LDLRAD2: variants seen among roughly 807,000 people sequenced by gnomAD.
LDLRAD2 encodes the protein low density lipoprotein receptor class A domain containing 2.
In LDLRAD2, 25 loss-of-function variants were observed where a neutral mutation model predicts 24.9. The observed-to-expected ratio is 1.00, with a 90% CI of 0.73 to 1.40. LDLRAD2 has a LOEUF of 1.40. LDLRAD2 is among the 40% of genes most tolerant of loss of function. LDLRAD2 has a pLI of 0.00. For missense variants in LDLRAD2, 391 were observed against 366.2 expected (o/e 1.07, Z -0.55); for synonymous variants, 182 against 166.7 (o/e 1.09, Z -0.71).
intron 1 of LDLRAD2, 29 bp from the exon 2 acceptor site, chr1:21,814,369 G>C (rs779727829): frequency 6.5e-7 from 1 of 1,544,286 alleles, no homozygotes; most frequent in African/African-American, 1.4e-5. Flanking sequence ...CGCGCCGCGC[G>C]GCTCCAGTTT....
At chr1:21,821,654 C>A (rs746615013) in intron 4 of LDLRAD2, 43 bp downstream of exon 4, 5 of 1,605,976 alleles carry the variant, frequency 3.1e-6, no homozygotes, top group Non-Finnish European at 3.4e-6. Context: ...TCATACCTGT[C>A]CCTCTCTAGG....
Position 21,823,062 on chromosome 1 carries a change from TC to T in LDLRAD2, c.*849del, listed in dbSNP as rs2152681452. The stretch of plus-strand genomic sequence containing the variant: ...AGTTCTGGGCCCACCCAGCCACTGT[TC>T]CTGACCCCAAGTCCTGGTGACTTTC... On this transcript the variant is annotated 3_prime_UTR_variant, in exon 5 of 5. Transcript: ENST00000344642. 1 of 404,470 alleles carries T rather than the reference TC, an allele frequency of 2.5e-6. No individual in the cohort carries two copies. Among genetic ancestry groups the T allele is most frequent in the East Asian group, 4.0e-5 (1 of 25,202 alleles). 25.1% of individuals were successfully genotyped at this position (404,470 alleles called of 1,614,324 possible). A position where few individuals can be genotyped will look rare whatever the true frequency, so the allele number is the denominator to read the frequency against.
In LDLRAD2 at chr1:21,814,420, G is replaced by A. The variant is rs377321609; in HGVS notation, c.108G>A (p.Gly36=). ...LETADLAELC[G]QTWQGDGLLL... ...CAGCCGACCTGGCGGAACTGTGCGG[G>A]CAGACGTGGCAGGGGGACGGGCTGC... The change falls in exon 2 of 5, where the codon GGG becomes GGA. Residue 36 remains glycine (G), a synonymous_variant. Coordinates refer to ENST00000344642, the MANE Select transcript of LDLRAD2 (RefSeq NM_001013693.3). 2 of 1,606,308 alleles carry A rather than the reference G, an allele frequency of 1.2e-6. No homozygotes were observed. Among genetic ancestry groups the A allele is most frequent in the Non-Finnish European group, 1.7e-6 (2 of 1,176,448 alleles).
At chr1:21,818,304 A>G (rs7545004) in intron 3 of LDLRAD2, among the ~76,000 whole-genome samples, 80,656 of 151,922 alleles carry the variant, frequency 0.53, 21,740 homozygotes, top group Non-Finnish European at 0.56. Context: ...GAGCCTCCGC[A>G]CCCGGCCTCA....
At chr1:21,814,061 G>T (rs2097941200) in intron 1 of LDLRAD2, among the ~76,000 whole-genome samples, 2 of 152,164 alleles carry the variant, frequency 1.3e-5, no homozygotes, top group South Asian at 4.2e-4. Flanking sequence ...AGTAGAGATG[G>T]GGTTTCACCA....
chr1:21,824,252 G>A lies in LDLRAD2; in HGVS notation c.*2037G>A. 6.2e-7 allele frequency: 1 copy of A among 1,612,866 alleles called. No individual in the cohort carries two copies. The highest frequency in any genetic ancestry group is 1.3e-5 in the African/African-American group (1 of 75,030). ...AGTATGAGCTGGGGCAGGACCGGGG[G>A]GTGGGGTGCTGGGACCAGGGAAGGG... On this transcript the variant is annotated 3_prime_UTR_variant, in exon 5 of 5. Transcript: ENST00000344642. This position sits in a 1 kb window ranked among gnomAD's most constrained non-coding sequence, Gnocchi z 5.9.
rs572836401 is a variant in LDLRAD2 at position 21,812,562 on chromosome 1, G to T, written c.85+26G>T. 467 of 1,595,334 alleles carry T rather than the reference G, an allele frequency of 2.9e-4. 6 individuals carry two copies. The South Asian group carries it at 3.1e-3, about 11-fold the overall frequency. ...GTAAGTATCAGGGGGCTTGGTTGGG[G>T]CACCCAGAAGACTTGGGCCCCCACC... On this transcript the variant is annotated intron_variant, in intron 1 of 4. Coordinates refer to ENST00000344642, the MANE Select transcript of LDLRAD2 (RefSeq NM_001013693.3).
chr1:21,818,063 G>T (rs1234039027), intron 3 of LDLRAD2, among the ~76,000 whole-genome samples: 1 of 144,264 alleles, frequency 6.9e-6, no homozygotes, highest in East Asian at 2.1e-4. Context: ...TTTTAGTAGA[G>T]ACGGGATTTC....
chr1:21,814,385 C>G lies in LDLRAD2; in HGVS notation c.86-13C>G, dbSNP rs1329684421. 6.4e-7 allele frequency: 1 copy of G among 1,574,254 alleles called. No individual in the cohort carries two copies. The highest frequency in any genetic ancestry group is 8.6e-7 in the Non-Finnish European group (1 of 1,161,406). On this transcript the variant is annotated splice_polypyrimidine_tract_variant and intron_variant, in intron 1 of 4. Transcript: ENST00000344642. ...GCGCCGCGCGGCTCCAGTTTCCGTG[C>G]CTTCCGCTGCAGCCGACCTGGCGGA...
intron 4 of LDLRAD2, chr1:21,822,001 G>A: frequency 7.0e-7 from 1 of 1,433,716 alleles, no homozygotes; most frequent in Non-Finnish European, 9.1e-7. Context: ...ACTAGGCTCT[G>A]GGGTCAGACT....
At chr1:21,814,289 G>A (rs890449571) in intron 1 of LDLRAD2, 109 bp from the exon 2 acceptor site, 7 of 801,510 alleles carry the variant, frequency 8.7e-6, no homozygotes, top group Non-Finnish European at 1.3e-5. Flanking sequence ...TGAGGAAAAT[G>A]AGGCTCAGAG....
In LDLRAD2 at chr1:21,822,564, G is replaced by T; in HGVS notation, c.*349G>T. On this transcript the variant is annotated 3_prime_UTR_variant, in exon 5 of 5. Transcript: ENST00000344642. ...TGGGTGGGGATGTGGCCTGGGGTGG[G>T]CGGGGCCCGGTGGGCGGGGCCCTAT... The T allele has an allele frequency of 3.2e-6, 1 of 316,310 alleles. No homozygotes were observed. The allele number at this position is 316,310 out of a possible 1,614,324, so 19.6% of individuals were successfully genotyped here.
Position 21,823,970 on chromosome 1 carries a change from C to T in LDLRAD2, c.*1755C>T. The T allele has an allele frequency of 1.2e-6, 1 of 861,736 alleles. No homozygotes were observed. The highest frequency in any genetic ancestry group is 1.9e-6 in the Non-Finnish European group (1 of 534,574). The allele number at this position is 861,736 out of a possible 1,614,324, so 53.4% of individuals were successfully genotyped here. A position where few individuals can be genotyped will look rare whatever the true frequency, so the allele number is the denominator to read the frequency against. ...AGCGGAGTTCAGTCCGAGATGGAAG[C>T]CCGAGCCCTGGCTGGTGGGTTCTCC... On this transcript the variant is annotated 3_prime_UTR_variant, in exon 5 of 5. Transcript: ENST00000344642.
intron 2 of LDLRAD2, 91 bp from the exon 3 acceptor site, chr1:21,815,852 A>T: frequency 6.7e-7 from 1 of 1,491,216 alleles, no homozygotes; most frequent in Non-Finnish European, 9.1e-7. Flanking sequence ...TCCTGCCCAC[A>T]CCCCCACACT....
intron 3 of LDLRAD2, 99 bp from the exon 4 acceptor site, chr1:21,821,351 G>T: frequency 6.7e-7 from 1 of 1,489,080 alleles, no homozygotes; most frequent in Non-Finnish European, 9.2e-7. Flanking sequence ...GAAACACAGA[G>T]TGACAAACTC....
intron 2 of LDLRAD2, among the ~76,000 whole-genome samples, chr1:21,815,171 C>T (rs1214472368): frequency 1.3e-5 from 2 of 152,188 alleles, no homozygotes; most frequent in African/African-American, 2.4e-5. Context: ...GTTCACACCT[C>T]ACACTCTGAC....
chr1:21,817,798 C>T (rs2097945420), intron 3 of LDLRAD2, among the ~76,000 whole-genome samples: 1 of 151,988 alleles, frequency 6.6e-6, no homozygotes, highest in African/African-American at 2.4e-5. Flanking sequence ...TTCAGTTTTC[C>T]CTAGTTTTTA....
intron 2 of LDLRAD2, 27 bp downstream of exon 2, chr1:21,814,850 G>T (rs773485487): frequency 1.3e-5 from 19 of 1,464,484 alleles, no homozygotes; most frequent in Non-Finnish European, 1.7e-5. Context: ...GGCCGGGACG[G>T]GACCCTCTGC....
At chr1:21,816,202 T>G in intron 3 of LDLRAD2, 128 bp downstream of exon 3, 1 of 1,277,538 alleles carries the variant, frequency 7.8e-7, no homozygotes, top group Non-Finnish European at 1.1e-6. Context: ...GGAATCGGCT[T>G]AGGCCAAGGG....
Sources: gnomAD v4.1 joint callset for allele counts (sites outside exome capture counted in the v4.1 genomes callset) on GRCh38, gnomAD v4.1.1 for gene constraint, Gnocchi (gnomAD v3.1) non-coding constraint, MANE v1.5 for transcripts, NCBI Gene and HGNC (gene_info 2026-07-23, HGNC 2026-07-21) for gene names.